DCDC2: variants seen among roughly 807,000 people sequenced by gnomAD.
DCDC2 encodes doublecortin domain containing 2.
Under a neutral mutation model 50.2 loss-of-function variants are expected in DCDC2, and 40 were observed. That is an observed-to-expected ratio of 0.80 (90% CI 0.62 to 1.04). DCDC2 has a LOEUF of 1.04. Among genes scored for constraint, DCDC2 ranks in the 50% least tolerant of loss-of-function variants. The pLI is 0.00. For synonymous variants in DCDC2, 234 were observed against 210.6 expected (o/e 1.11, Z -0.96); for missense variants, 570 against 581.9 (o/e 0.98, Z 0.21).
intron 2 of DCDC2, among the ~76,000 whole-genome samples, chr6:24,313,519 C>T (rs12196880): frequency 0.12 from 18,318 of 152,188 alleles, 1,546 homozygotes; most frequent in African/African-American, 0.24. Flanking sequence ...GGTTATCAAA[C>T]ATATCTAGGC....
At chr6:24,180,419 G>C (rs1374369530) in intron 8 of DCDC2, among the ~76,000 whole-genome samples, 7 of 152,052 alleles carry the variant, frequency 4.6e-5, no homozygotes, top group Admixed American at 2.0e-4. Context: ...CGAGTAGCTG[G>C]GACTACAGGC....
At chr6:24,260,727 T>A (rs563117395) in intron 7 of DCDC2, among the ~76,000 whole-genome samples, 123 of 152,348 alleles carry the variant, frequency 8.1e-4, no homozygotes, top group African/African-American at 2.7e-3. Flanking sequence ...AACTCTGTTT[T>A]AACTAGCAAA....
At chr6:24,335,448 A>G (rs191233083) in intron 2 of DCDC2, among the ~76,000 whole-genome samples, 269 of 152,336 alleles carry the variant, frequency 1.8e-3, no homozygotes, top group African/African-American at 6.2e-3. Flanking sequence ...GTCATATTTC[A>G]GCTTTCCAGC....
At position 24,269,538 on chromosome 6, in the gene DCDC2, T is replaced by A. The variant is rs1424109567; in HGVS notation, c.922+8511A>T. Among the ~76,000 whole-genome samples, 6 of 152,114 alleles carry A rather than the reference T, an allele frequency of 3.9e-5. No homozygotes were observed. The East Asian group carries it at 9.7e-4, about 25-fold the overall frequency. On this transcript the variant is annotated intron_variant, in intron 7 of 9. Coordinates refer to ENST00000378454, the MANE Select transcript of DCDC2 (RefSeq NM_016356.5). ...AAGAAGAGAAAATGAAATACTCTGGTGATTAGCAAGGGGTGGAGTACATGG... is the reference window on the plus strand; with the variant it reads ...AAGAAGAGAAAATGAAATACTCTGGAGATTAGCAAGGGGTGGAGTACATGG...
the DCDC2 span, chr6:24,365,856 C>T: frequency 6.6e-5 from 10 of 152,296 alleles, no homozygotes; most frequent in Admixed American, 6.5e-4. Context: ...CTCACTCTGT[C>T]ACCCAGGCTG....
At chr6:24,175,946 A>T (rs1219131101) in intron 9 of DCDC2, among the ~76,000 whole-genome samples, 1 of 152,164 alleles carries the variant, frequency 6.6e-6, no homozygotes, top group Non-Finnish European at 1.5e-5. Context: ...TGTTATAAGT[A>T]AGAGATGAGT....
At chr6:24,346,065 G>C (rs147210896) in intron 2 of DCDC2, among the ~76,000 whole-genome samples, 12,032 of 151,100 alleles carry the variant, frequency 0.08, 760 homozygotes, top group East Asian at 0.33. Context: ...TGTAGTCCCA[G>C]CTACTCAGGA....
At chr6:24,292,787 G>T (rs1192873195) in intron 4 of DCDC2, among the ~76,000 whole-genome samples, 2 of 152,172 alleles carry the variant, frequency 1.3e-5, no homozygotes. Flanking sequence ...TGAGTAGGCT[G>T]CCCTGTACAT....
intron 6 of DCDC2, among the ~76,000 whole-genome samples, chr6:24,280,555 T>TA (rs1177133330): frequency 6.6e-6 from 1 of 152,088 alleles, no homozygotes; most frequent in Non-Finnish European, 1.5e-5. Context: ...TATTTTTTTT[T>TA]AGATGGAATC....
intron 7 of DCDC2, among the ~76,000 whole-genome samples, chr6:24,241,137 A>G (rs2078581529): frequency 6.6e-6 from 1 of 152,232 alleles, no homozygotes; most frequent in African/African-American, 2.4e-5. Flanking sequence ...GGTTAGATAT[A>G]GAGCTTCATT....
intron 2 of DCDC2, among the ~76,000 whole-genome samples, chr6:24,352,938 A>G (rs1053879571): frequency 6.6e-6 from 1 of 152,160 alleles, no homozygotes; most frequent in Non-Finnish European, 1.5e-5. Flanking sequence ...TTTTTCATTC[A>G]CAAACTAAAG....
intron 7 of DCDC2, among the ~76,000 whole-genome samples, chr6:24,241,560 A>G (rs528375123): frequency 6.6e-6 from 1 of 152,234 alleles, no homozygotes; most frequent in Non-Finnish European, 1.5e-5. Flanking sequence ...GATCATTTCT[A>G]AAGTATTCTC....
At chr6:24,358,841 A>AT (rs1283774972), upstream of DCDC2, among the ~76,000 whole-genome samples, 998 of 27,034 alleles carry the variant, frequency 0.037, 44 homozygotes, top group Middle Eastern at 0.065. Flanking sequence ...TTATATATAT[A>AT]TTTATATATT....
At chr6:24,227,625 G>T (rs757118669) in intron 7 of DCDC2, among the ~76,000 whole-genome samples, 1 of 152,078 alleles carries the variant, frequency 6.6e-6, no homozygotes, top group Non-Finnish European at 1.5e-5. Context: ...AGAAATAACC[G>T]ACCACAGCAG....
At chr6:24,271,418 C>G (rs1763236978) in intron 7 of DCDC2, among the ~76,000 whole-genome samples, 1 of 151,982 alleles carries the variant, frequency 6.6e-6, no homozygotes, top group Non-Finnish European at 1.5e-5. Context: ...AACTCTGGAG[C>G]TGGGGAAGAA....
chr6:24,309,162 A>T (rs1012930360), intron 2 of DCDC2, among the ~76,000 whole-genome samples: 4 of 152,090 alleles, frequency 2.6e-5, no homozygotes, highest in African/African-American at 9.7e-5. Flanking sequence ...CATCTCTACT[A>T]AAAATACAAA....
upstream of DCDC2, among the ~76,000 whole-genome samples, chr6:24,359,022 ATATTT>A: frequency 1.6e-5 from 1 of 64,290 alleles, no homozygotes; most frequent in Non-Finnish European, 2.6e-5. Flanking sequence ...TATATATTTT[ATATTT>A]TATATTTTAT....
intron 8 of DCDC2, among the ~76,000 whole-genome samples, chr6:24,189,720 T>G (rs560192367): frequency 1.1e-4 from 16 of 152,200 alleles, no homozygotes; most frequent in Non-Finnish European, 2.1e-4. Context: ...ATTAGTTCTC[T>G]CTCCCTAAAA....
chr6:24,309,316 G>A (rs1437180584), intron 2 of DCDC2, among the ~76,000 whole-genome samples: 3 of 148,284 alleles, frequency 2.0e-5, no homozygotes, highest in Non-Finnish European at 4.5e-5. Flanking sequence ...CACAGTGCAA[G>A]ACTCCATCTC....
Sources: gnomAD v4.1 joint callset for allele counts (sites outside exome capture counted in the v4.1 genomes callset) on GRCh38, gnomAD v4.1.1 for gene constraint, MANE v1.5 for transcripts, NCBI Gene and HGNC (gene_info 2026-07-23, HGNC 2026-07-21) for gene names.